NFIA: variants seen among roughly 807,000 people sequenced by gnomAD.
NFIA encodes nuclear factor 1 A-type.
Under a neutral mutation model 62.8 loss-of-function variants are expected in NFIA, and 8 were observed. The observed-to-expected ratio is 0.13, with a 90% confidence interval of 0.07 to 0.23. The LOEUF (loss-of-function observed/expected upper bound fraction) is 0.23. Among genes scored for constraint, NFIA ranks in the 10% least tolerant of loss-of-function variants. The pLI is 1.00. For missense variants in NFIA, 410 were observed against 642.1 expected (o/e 0.64, Z 3.91); for synonymous variants, 235 against 238.1 (o/e 0.99, Z 0.12).
chr1:61,299,503 A>G (rs1211009371), intron 3 of NFIA, among the ~76,000 whole-genome samples: 2 of 152,172 alleles, frequency 1.3e-5, no homozygotes, highest in Admixed American at 6.5e-5. Context: ...ATTTTTGTTA[A>G]AGGGAAATCT....
At chr1:61,446,427 C>T (rs1667814190) in intron 10 of NFIA, among the ~76,000 whole-genome samples, 1 of 151,876 alleles carries the variant, frequency 6.6e-6, no homozygotes, top group Admixed American at 6.6e-5. Context: ...GATTCCTGCA[C>T]AGGGATTAAA....
chr1:61,144,604 G>A (rs536800707), intron 2 of NFIA, among the ~76,000 whole-genome samples: 7 of 152,306 alleles, frequency 4.6e-5, no homozygotes, highest in Middle Eastern at 3.4e-3. Flanking sequence ...GGGAGAGTTA[G>A]GAAAACTCTC....
intron 9 of NFIA, among the ~76,000 whole-genome samples, chr1:61,410,161 T>G (rs1240020792): frequency 6.6e-6 from 1 of 151,990 alleles, no homozygotes; most frequent in Non-Finnish European, 1.5e-5. Context: ...TGTGTATAGG[T>G]GCCATGTGAA....
At chr1:61,139,607 C>T (rs1026624210) in intron 2 of NFIA, among the ~76,000 whole-genome samples, 1 of 152,122 alleles carries the variant, frequency 6.6e-6, no homozygotes, top group Non-Finnish European at 1.5e-5. Context: ...ATAATATTCT[C>T]TCTTGTCTCG....
chr1:61,084,437 TC>T (rs946577855), intron 1 of NFIA, among the ~76,000 whole-genome samples: 6 of 152,124 alleles, frequency 3.9e-5, no homozygotes, highest in African/African-American at 7.2e-5. Context: ...TTTTTTTTTT[TC>T]CTAACAAACT....
intron 1 of NFIA, among the ~76,000 whole-genome samples, chr1:61,083,776 C>A (rs1024735097): frequency 2.2e-4 from 33 of 151,448 alleles, no homozygotes; most frequent in African/African-American, 7.5e-4. Flanking sequence ...GCCGCCGCCA[C>A]CACCACCACC....
chr1:61,345,076 C>T (rs993690862), intron 4 of NFIA, among the ~76,000 whole-genome samples: 1 of 151,288 alleles, frequency 6.6e-6, no homozygotes, highest in African/African-American at 2.4e-5. Flanking sequence ...AGACTACATT[C>T]TACTTATGAC....
At chr1:61,398,097 A>G (rs1665372071) in intron 7 of NFIA, among the ~76,000 whole-genome samples, 1 of 152,210 alleles carries the variant, frequency 6.6e-6, no homozygotes, top group Non-Finnish European at 1.5e-5. Context: ...CCACAGATCC[A>G]ATAGCCCTTT....
upstream of NFIA, chr1:61,082,000 CG>C: frequency 6.5e-7 from 1 of 1,548,596 alleles, no homozygotes; most frequent in Non-Finnish European, 8.7e-7. Context: ...CGCGGTGGCC[CG>C]GGGGGTGCGG....
At chr1:61,303,964 T>C (rs1013044850) in intron 3 of NFIA, among the ~76,000 whole-genome samples, 3 of 152,124 alleles carry the variant, frequency 2.0e-5, no homozygotes, top group African/African-American at 7.2e-5. Context: ...TCTACTATAG[T>C]AATCAAAATA....
At chr1:61,192,105 C>T (rs1044066168) in intron 2 of NFIA, among the ~76,000 whole-genome samples, 1 of 152,014 alleles carries the variant, frequency 6.6e-6, no homozygotes. Flanking sequence ...ACTACAGGTG[C>T]GTGACACCAC....
At chr1:61,184,394 A>G (rs1271579831) in intron 2 of NFIA, among the ~76,000 whole-genome samples, 3 of 152,246 alleles carry the variant, frequency 2.0e-5, no homozygotes, top group Admixed American at 1.3e-4. Context: ...CTACCTCCAC[A>G]GAGTACTTTA....
chr1:61,374,932 T>C (rs1261816242), intron 6 of NFIA, among the ~76,000 whole-genome samples: 2 of 152,234 alleles, frequency 1.3e-5, no homozygotes, highest in Non-Finnish European at 1.5e-5. Flanking sequence ...TAAAAAATTA[T>C]ATTAGAATGA....
intron 3 of NFIA, among the ~76,000 whole-genome samples, chr1:61,288,072 A>G (rs6657794): frequency 0.012 from 1,774 of 152,302 alleles, 20 homozygotes; most frequent in African/African-American, 0.039. Context: ...AATAGGTACA[A>G]TATAATAGTT....
At chr1:61,383,467 G>C in intron 7 of NFIA, 102 bp downstream of exon 7, 1 of 1,373,806 alleles carries the variant, frequency 7.3e-7, no homozygotes, top group East Asian at 2.5e-5. Flanking sequence ...ACACTCGTGA[G>C]GCAGTGAGTG....
At chr1:61,325,298 A>G (rs1426178044) in intron 3 of NFIA, among the ~76,000 whole-genome samples, 1 of 152,182 alleles carries the variant, frequency 6.6e-6, no homozygotes, top group Non-Finnish European at 1.5e-5. Flanking sequence ...AAGTGGAACA[A>G]TCAGATTAGT....
Position 61,359,453 on chromosome 1 carries a change from G to A in NFIA, c.946+179G>A, listed in dbSNP as rs79482330. 3.9e-3 allele frequency among the ~76,000 whole-genome samples: 587 copies of A among 152,346 alleles called. 3 individuals carry two copies. The highest frequency in any genetic ancestry group is 0.013 in the African/African-American group (560 of 41,580). On this transcript the variant is annotated intron_variant, in intron 6 of 10. Transcript: ENST00000403491. Reference sequence around the variant, plus strand: ...ATTCATAAAAGGATGGCTGTGCAAAGCAGTAGTAATTCAACTGAAATGCAA... The same window carrying A: ...ATTCATAAAAGGATGGCTGTGCAAAACAGTAGTAATTCAACTGAAATGCAA...
intron 4 of NFIA, among the ~76,000 whole-genome samples, chr1:61,342,872 T>C (rs1164062992): frequency 6.6e-6 from 1 of 152,248 alleles, no homozygotes; most frequent in Admixed American, 6.5e-5. Flanking sequence ...TGCATGATCT[T>C]GACCATGTTA....
Position 61,451,004 on chromosome 1 carries a change from G to A in NFIA, c.1513-4299G>A, listed in dbSNP as rs114632932. ...AACGCAGGGGTTGAGGCCATGGCCC[G>A]CATCAGCTGTGTCTTCAGCAGCCCC... On this transcript the variant is annotated intron_variant, in intron 10 of 10. Coordinates refer to ENST00000403491, the MANE Select transcript of NFIA (RefSeq NM_001134673.4). Among the ~76,000 whole-genome samples, 1,039 of 152,264 alleles carry A rather than the reference G, an allele frequency of 6.8e-3. 10 individuals are homozygous for A. The highest frequency in any genetic ancestry group is 0.024 in the African/African-American group (979 of 41,562).
Sources: allele counts gnomAD v4.1 joint callset (sites outside exome capture counted in the v4.1 genomes callset), GRCh38; gene constraint gnomAD v4.1.1; transcripts MANE v1.5; gene names NCBI Gene and HGNC (gene_info 2026-07-23, HGNC 2026-07-21).